Variants in SEC63 observed in about 807,000 individuals in gnomAD.
The protein encoded by SEC63 is SEC63 protein translocation regulator.
In SEC63, 56 loss-of-function variants were observed where a neutral mutation model predicts 116.2. The observed-to-expected ratio is 0.48, with a 90% CI of 0.39 to 0.60. The LOEUF is 0.60. Among genes scored for constraint, SEC63 ranks in the 20% least tolerant of loss-of-function variants. The pLI is 0.00. For missense variants in SEC63, 668 were observed against 900.0 expected (o/e 0.74, Z 3.30); for synonymous variants, 273 against 294.6 (o/e 0.93, Z 0.75).
rs753416822 is a variant in SEC63, at chr6:107,881,097, C to CT, written c.1935+51dup. On this transcript the variant is annotated intron_variant, in intron 18 of 20. Coordinates refer to ENST00000369002, the MANE Select transcript of SEC63 (RefSeq NM_007214.5). ...GGGCTAAAAGTCAACTGACAAATCC[C>CT]TGAGGAGAAAGTGAATGGAATAAGG... The CT allele has an allele frequency of 4.7e-5, 61 of 1,297,662 alleles. 1 individual carries two copies. In the Admixed American group the frequency reaches 7.7e-4, roughly 16 times the overall value. 80.4% of individuals were successfully genotyped at this position (1,297,662 alleles called of 1,614,324 possible).
At chr6:107,881,322 AT>A (rs1364330484) in intron 17 of SEC63, 72 bp from the exon 18 acceptor site, 2 of 1,012,482 alleles carry the variant, frequency 2.0e-6, no homozygotes, top group Non-Finnish European at 3.1e-6. Context: ...TCCAGGTATT[AT>A]TCCTGACAAT....
At chr6:107,899,535 G>A (rs1786948324) in intron 13 of SEC63, among the ~76,000 whole-genome samples, 1 of 152,098 alleles carries the variant, frequency 6.6e-6, no homozygotes, top group Non-Finnish European at 1.5e-5. Flanking sequence ...GGCCAACATG[G>A]TGAAACTCCG....
chr6:107,888,254 C>T (rs1232602147), intron 16 of SEC63, among the ~76,000 whole-genome samples: 1 of 152,100 alleles, frequency 6.6e-6, no homozygotes, highest in Non-Finnish European at 1.5e-5. Flanking sequence ...TGTTTGTGTC[C>T]TCTCTCATTT....
chr6:107,933,609 G>C (rs1160380694), intron 1 of SEC63, among the ~76,000 whole-genome samples: 1 of 152,168 alleles, frequency 6.6e-6, no homozygotes, highest in Non-Finnish European at 1.5e-5. Flanking sequence ...CTTTAAAGCA[G>C]AGGGAAAAGT....
Position 107,906,430 on chromosome 6 carries a change from T to C in SEC63, c.961+18A>G. On this transcript the variant is annotated intron_variant, in intron 10 of 20. Coordinates refer to ENST00000369002, the MANE Select transcript of SEC63 (RefSeq NM_007214.5). ...TTTCATCCCACTAAACCTCTGTAGA[T>C]ACCGGAATCACAAATACCTTCTTCA... 6.2e-7 allele frequency: 1 copy of C among 1,613,694 alleles called. No homozygotes were observed. Among genetic ancestry groups the C allele is most frequent in the Admixed American group, 1.7e-5 (1 of 60,016 alleles).
chr6:107,903,936 G>A (rs987194030), intron 11 of SEC63, among the ~76,000 whole-genome samples: 26 of 151,838 alleles, frequency 1.7e-4, no homozygotes, highest in Non-Finnish European at 3.7e-4. Context: ...TGACCAACCT[G>A]ATGAAACCCC....
chr6:107,887,575 A>C (rs1379274288), intron 16 of SEC63, among the ~76,000 whole-genome samples: 1 of 149,862 alleles, frequency 6.7e-6, no homozygotes, highest in South Asian at 2.2e-4. Flanking sequence ...AGGAAGGGGA[A>C]TATCACACTC....
intron 5 of SEC63, 108 bp from the exon 6 acceptor site, chr6:107,912,882 C>G: frequency 3.7e-6 from 3 of 821,286 alleles, no homozygotes; most frequent in Non-Finnish European, 6.1e-6. Flanking sequence ...TCCCCCACAA[C>G]ACAAAAACAA....
intron 4 of SEC63, among the ~76,000 whole-genome samples, chr6:107,920,781 G>A (rs1490513263): frequency 1.3e-5 from 2 of 152,156 alleles, no homozygotes; most frequent in Non-Finnish European, 2.9e-5. Flanking sequence ...TAATACGCAA[G>A]AGATCACTGC....
At chr6:107,943,083 G>A (rs1285233132) in intron 1 of SEC63, among the ~76,000 whole-genome samples, 1 of 152,194 alleles carries the variant, frequency 6.6e-6, no homozygotes, top group Non-Finnish European at 1.5e-5. Flanking sequence ...TTTCTATGGT[G>A]ATATGGAATT....
At chr6:107,884,901 A>G (rs1467998855) in intron 16 of SEC63, among the ~76,000 whole-genome samples, 1 of 147,992 alleles carries the variant, frequency 6.8e-6, no homozygotes, top group Non-Finnish European at 1.5e-5. Context: ...AAATCCATCA[A>G]TCTAATTCAA....
chr6:107,935,021 A>G (rs1166466065), intron 1 of SEC63, among the ~76,000 whole-genome samples: 5 of 117,274 alleles, frequency 4.3e-5, no homozygotes, highest in Non-Finnish European at 9.0e-5. Context: ...CCGGCCAGCC[A>G]CCCCGTCCGG....
intron 3 of SEC63, 85 bp downstream of exon 3, chr6:107,924,733 A>G (rs1206504487): frequency 5.5e-6 from 4 of 733,436 alleles, no homozygotes; most frequent in Non-Finnish European, 9.9e-6. Context: ...TTCTATAGGA[A>G]TAGACAATTT....
At chr6:107,952,308 C>T (rs1053238366) in intron 1 of SEC63, among the ~76,000 whole-genome samples, 2 of 152,140 alleles carry the variant, frequency 1.3e-5, no homozygotes, top group African/African-American at 4.8e-5. Flanking sequence ...TTTTTCAAAC[C>T]GCAGACTTTA....
Position 107,901,456 on chromosome 6 carries a change from A to C in SEC63, c.1271T>G (p.Leu424Arg). The change falls in exon 13 of 21, where the codon CTG (leucine) becomes CGG (arginine). Residue 424 changes from leucine to arginine, a missense_variant. Physicochemically the swap from Leu to Arg is moderately radical, Grantham distance 102. Coordinates refer to ENST00000369002, the MANE Select transcript of SEC63 (RefSeq NM_007214.5). ...SLKESDRHTL[L>R]HFLEDEKYEE... is the part of the protein sequence containing the mutation. ...ATATTTTTCATCTTCAAGGAAGTGC[A>C]GTAGAGTGTGACGATCTGATTCTTT... 1 of 1,611,382 alleles carries C rather than the reference A, an allele frequency of 6.2e-7. No individual in the cohort carries two copies. Among genetic ancestry groups the C allele is most frequent in the Non-Finnish European group, 8.5e-7 (1 of 1,177,666 alleles).
At chr6:107,906,182 T>C (rs1439469167) in intron 10 of SEC63, among the ~76,000 whole-genome samples, 1 of 152,206 alleles carries the variant, frequency 6.6e-6, no homozygotes. Flanking sequence ...CCTCCTGCTC[T>C]GGCCATGTGA....
rs1786937412 is a variant in SEC63 at position 107,899,164 on chromosome 6, G to A, written c.1358-1433C>T. On this transcript the variant is annotated intron_variant, in intron 13 of 20. Transcript: ENST00000369002. ...GAGATTCTATTACAGATTCTAGCAA[G>A]GTAGGGAAGGAGATCCACCATCTCC... is the stretch of plus-strand genomic sequence containing the variant. 2.0e-5 allele frequency among the ~76,000 whole-genome samples: 3 copies of A among 152,164 alleles called. No homozygotes were observed. In the South Asian group the frequency reaches 6.2e-4, roughly 32 times the overall value.
chr6:107,919,014 G>A (rs1787483336), intron 4 of SEC63, among the ~76,000 whole-genome samples: 1 of 148,624 alleles, frequency 6.7e-6, no homozygotes, highest in East Asian at 2.0e-4. Flanking sequence ...AGGTTCAAGT[G>A]AGTCTCCTGC....
intron 1 of SEC63, among the ~76,000 whole-genome samples, chr6:107,932,934 T>C (rs1787845329): frequency 6.6e-6 from 1 of 151,976 alleles, no homozygotes; most frequent in Admixed American, 6.6e-5. Context: ...TCCCCCAAGA[T>C]GTCCACATCT....
Sources: gnomAD v4.1 joint callset for allele counts (sites outside exome capture counted in the v4.1 genomes callset) on GRCh38, gnomAD v4.1.1 for gene constraint, MANE v1.5 for transcripts, NCBI Gene and HGNC (gene_info 2026-07-23, HGNC 2026-07-21) for gene names.